Variants in LRP6 observed in about 807,000 individuals in gnomAD.
LRP6 encodes low-density lipoprotein receptor-related protein 6.
In LRP6, 43 loss-of-function variants were observed where a neutral mutation model predicts 184.1. The observed-to-expected ratio is 0.23, with a 90% CI of 0.18 to 0.30. The LOEUF (loss-of-function observed/expected upper bound fraction) is 0.30, where lower values mean the gene tolerates loss of function less well. Among genes scored for constraint, LRP6 ranks in the 10% least tolerant of loss-of-function variants. LRP6 has a pLI of 1.00. For synonymous variants in LRP6, 719 were observed against 684.9 expected (o/e 1.05, Z -0.78); for missense variants, 1,571 against 2,005.3 (o/e 0.78, Z 4.14).
At chr12:12,166,583 C>T (rs1565589535) in intron 7 of LRP6, among the ~76,000 whole-genome samples, 1 of 152,102 alleles carries the variant, frequency 6.6e-6, no homozygotes, top group Non-Finnish European at 1.5e-5. Context: ...GCTAATTTTG[C>T]TGATCTTTAC....
intron 3 of LRP6, among the ~76,000 whole-genome samples, chr12:12,188,190 G>A (rs1409364219): frequency 2.1e-5 from 3 of 140,580 alleles, no homozygotes; most frequent in African/African-American, 5.4e-5. Context: ...CAGCCTGGGC[G>A]ACAGAGCGAG....
chr12:12,127,362 G>A (rs753180373), intron 19 of LRP6, among the ~76,000 whole-genome samples: 5 of 152,178 alleles, frequency 3.3e-5, no homozygotes, highest in Non-Finnish European at 7.3e-5. Flanking sequence ...GTCATCAAAT[G>A]TTTTACCTGG....
intron 9 of LRP6, among the ~76,000 whole-genome samples, chr12:12,163,246 G>A (rs989509403): frequency 6.6e-6 from 1 of 152,072 alleles, no homozygotes; most frequent in Admixed American, 6.6e-5. Context: ...AAAGTGCTGG[G>A]ATTTACAGGC....
intron 9 of LRP6, among the ~76,000 whole-genome samples, chr12:12,163,019 A>G (rs1477414990): frequency 6.6e-6 from 1 of 152,174 alleles, no homozygotes; most frequent in African/African-American, 2.4e-5. Flanking sequence ...TCTGTCACCC[A>G]GGCTGGAGTG....
chr12:12,136,848 A>G (rs1216304944), intron 16 of LRP6, among the ~76,000 whole-genome samples: 1 of 152,202 alleles, frequency 6.6e-6, no homozygotes, highest in Non-Finnish European at 1.5e-5. Context: ...ATTTGAAAAA[A>G]TGATTTACCT....
intron 2 of LRP6, among the ~76,000 whole-genome samples, chr12:12,204,693 C>T (rs915457019): frequency 2.6e-5 from 4 of 151,844 alleles, no homozygotes; most frequent in African/African-American, 9.7e-5. Flanking sequence ...GAGGTCGAGG[C>T]ACCTGTAATC....
chr12:12,234,879 G>GAA (rs60703962), intron 2 of LRP6, among the ~76,000 whole-genome samples: 6 of 147,680 alleles, frequency 4.1e-5, no homozygotes, highest in Non-Finnish European at 9.0e-5. Context: ...TATAATAAAA[G>GAA]AAAAAAAAAG....
chr12:12,169,257 T>A (rs1306005515), intron 7 of LRP6, among the ~76,000 whole-genome samples: 3 of 150,990 alleles, frequency 2.0e-5, no homozygotes, highest in South Asian at 2.1e-4. Flanking sequence ...ATAATAATAA[T>A]AAATAAAAGT....
At position 12,266,964 on chromosome 12, in the gene LRP6, C is replaced by T. The variant is rs1044709994; in HGVS notation, c.-229G>A. On this transcript the variant is annotated 5_prime_UTR_variant, in exon 1 of 23. Coordinates refer to ENST00000261349, the MANE Select transcript of LRP6 (RefSeq NM_002336.3). ...GCGACGCCAGCGTCTGCTTCCATCC[C>T]GCCGCCTCCTCCCCCGGCGCCCCGC... 11 of 544,206 alleles carry T rather than the reference C, an allele frequency of 2.0e-5. No individual in the cohort carries two copies. The African/African-American group carries it at 2.2e-4, about 11-fold the overall frequency. 33.7% of individuals were successfully genotyped at this position (544,206 alleles called of 1,614,324 possible). A position where few individuals can be genotyped will look rare whatever the true frequency, so the allele number is the denominator to read the frequency against.
chr12:12,186,948 G>T lies in LRP6; in HGVS notation c.819C>A (p.Ala273=), dbSNP rs758408393. 16 of 1,614,012 alleles carry T rather than the reference G, an allele frequency of 9.9e-6. No individual in the cohort carries two copies. Among genetic ancestry groups the T allele is most frequent in the African/African-American group, 1.3e-5 (1 of 74,920 alleles). The part of the protein sequence containing the change: ...SDIFSPMDIH[A]FSQQRQPNAT... ...CATTTGGCTGCCTCTGTTGGCTGAAGGCATGTATATCCATGGGAGAGAAGA... is the reference window on the plus strand; with the variant it reads ...CATTTGGCTGCCTCTGTTGGCTGAATGCATGTATATCCATGGGAGAGAAGA... The change falls in exon 4 of 23, where the codon GCC becomes GCA. Residue 273 remains alanine, a synonymous_variant. Coordinates refer to ENST00000261349, the MANE Select transcript of LRP6 (RefSeq NM_002336.3).
At chr12:12,123,471 G>A (rs1949631230) in intron 22 of LRP6, among the ~76,000 whole-genome samples, 1 of 152,216 alleles carries the variant, frequency 6.6e-6, no homozygotes, top group Admixed American at 6.5e-5. Flanking sequence ...ACACATGGGT[G>A]AGGTCGTATC....
chr12:12,140,918 C>T (rs1949925279), intron 15 of LRP6, among the ~76,000 whole-genome samples: 1 of 151,954 alleles, frequency 6.6e-6, no homozygotes, highest in South Asian at 2.1e-4. Context: ...AAAAATAAAT[C>T]TTAAAACAAA....
chr12:12,165,324 G>A, intron 7 of LRP6, 29 bp from the exon 8 acceptor site: 1 of 1,432,168 alleles, frequency 7.0e-7, no homozygotes, highest in Non-Finnish European at 9.8e-7. Context: ...AAGAGAAGGG[G>A]ATGAATTATG....
intron 1 of LRP6, among the ~76,000 whole-genome samples, chr12:12,263,180 G>A (rs1026779047): frequency 4.6e-5 from 7 of 151,530 alleles, no homozygotes; most frequent in Non-Finnish European, 7.4e-5. Flanking sequence ...TAGGAGTATC[G>A]CTTGAACCCG....
intron 2 of LRP6, among the ~76,000 whole-genome samples, chr12:12,221,888 T>C (rs886738740): frequency 9.2e-5 from 14 of 152,218 alleles, no homozygotes; most frequent in African/African-American, 3.1e-4. Flanking sequence ...GACTGTGTCA[T>C]CTATAATTCT....
intron 8 of LRP6, among the ~76,000 whole-genome samples, 138 bp downstream of exon 8, chr12:12,164,919 TAAAAAAAAAAAAAAAAAAAAAA>T (rs58540250): frequency 7.0e-5 from 4 of 57,076 alleles, no homozygotes; most frequent in Non-Finnish European, 1.4e-4. Flanking sequence ...CCCTTCTCAG[TAAAAAAAAAAAAAAAAAAAAAA>T]AAAAAAAAAA....
At chr12:12,154,247 G>C (rs558120078) in intron 12 of LRP6, among the ~76,000 whole-genome samples, 2 of 85,722 alleles carry the variant, frequency 2.3e-5, no homozygotes, top group African/African-American at 1.0e-4. Flanking sequence ...ATCCCCTTTT[G>C]CTTGATAGGC....
At position 12,131,268 on chromosome 12, in the gene LRP6, C is replaced by T. The variant is rs564469016; in HGVS notation, c.3971-375G>A. Among the ~76,000 whole-genome samples the T allele has an allele frequency of 3.3e-5, 5 of 151,934 alleles. No individual in the cohort carries two copies. The East Asian group carries it at 9.7e-4, about 29-fold the overall frequency. On this transcript the variant is annotated intron_variant, in intron 18 of 22. Transcript: ENST00000261349. ...GACTACAGGCGTCTGCCACCAGGCCCGGCTAATTTTTTTGTATTTTTAGTA... is the reference window on the plus strand; with the variant it reads ...GACTACAGGCGTCTGCCACCAGGCCTGGCTAATTTTTTTGTATTTTTAGTA...
chr12:12,241,304 A>C (rs1402086329), intron 2 of LRP6, among the ~76,000 whole-genome samples: 1 of 152,194 alleles, frequency 6.6e-6, no homozygotes, highest in African/African-American at 2.4e-5. Context: ...TTTCCCCCAA[A>C]AAATAAATCT....
Sources: allele counts gnomAD v4.1 joint callset (sites outside exome capture counted in the v4.1 genomes callset), GRCh38; gene constraint gnomAD v4.1.1; transcripts MANE v1.5; gene names NCBI Gene and HGNC (gene_info 2026-07-23, HGNC 2026-07-21).